Variants in VPS51 observed in about 807,000 individuals in gnomAD.
VPS51 encodes the protein vacuolar protein sorting-associated protein 51 homolog.
VPS51 carries 55 observed loss-of-function variants against 65.1 expected under a neutral mutation model. That is an observed-to-expected ratio of 0.84 (90% CI 0.68 to 1.06). The LOEUF (loss-of-function observed/expected upper bound fraction) is 1.06. VPS51 is among the 50% of genes least tolerant of loss of function. VPS51 has a pLI of 0.00. For missense variants in VPS51, 943 were observed against 1,101.6 expected (o/e 0.86, Z 2.04); for synonymous variants, 473 against 489.5 (o/e 0.97, Z 0.44).
In VPS51 at chr11:65,107,470, C is replaced by A; in HGVS notation, c.359-111C>A. 1 of 1,363,248 alleles carries A rather than the reference C, an allele frequency of 7.3e-7. No individual in the cohort carries two copies. The highest frequency in any genetic ancestry group is 1.4e-5 in the South Asian group (1 of 70,718). 84.4% of individuals were successfully genotyped at this position (1,363,248 alleles called of 1,614,324 possible). A position where few individuals can be genotyped will look rare whatever the true frequency, so the allele number is the denominator to read the frequency against. On this transcript the variant is annotated intron_variant, in intron 2 of 9. Coordinates refer to ENST00000279281, the MANE Select transcript of VPS51 (RefSeq NM_013265.4). The surrounding 1 kb of genome is among the most constrained non-coding windows in gnomAD (Gnocchi z 4.0). ...AGTCCTTTCTCTGGAATCATCCATG[C>A]GCCCCTGGAGCAAGCTGGGGCGTCT...
At position 65,109,769 on chromosome 11, in the gene VPS51, T is replaced by C; in HGVS notation, c.1724T>C (p.Leu575Pro). Residue 575 changes from leucine to proline, a missense_variant, in exon 7 of 10, where the codon CTG becomes CCG. Around this residue, in one of 2 missense-constraint regions of VPS51, gnomAD observed 855 missense variants for 953.7 expected, o/e 0.90. Transcript: ENST00000279281. ...CAEARETARR[L>P]LTHYVKVQGL... ...GAGGCCAGGGAAACGGCGCGGCGGC[T>C]GCTGACCCACTACGTGAAGGTGCAG... 6.2e-7 allele frequency: 1 copy of C among 1,602,314 alleles called. No homozygotes were observed. Among genetic ancestry groups the C allele is most frequent in the Admixed American group, 1.7e-5 (1 of 57,946 alleles).
chr11:65,097,163 C>T, intron 2 of VPS51, 36 bp downstream of exon 2: 1 of 1,612,630 alleles, frequency 6.2e-7, no homozygotes, highest in East Asian at 2.2e-5. Flanking sequence ...CAAAGTCTCA[C>T]AGCCCCCATT....
At chr11:65,097,166 C>T (rs757290359) in intron 2 of VPS51, 39 bp downstream of exon 2, 26 of 1,611,780 alleles carry the variant, frequency 1.6e-5, no homozygotes, top group Middle Eastern at 1.6e-4. Flanking sequence ...AGTCTCACAG[C>T]CCCCATTCTC....
Position 65,107,480 on chromosome 11 carries a change from G to A in VPS51, c.359-101G>A. On this transcript the variant is annotated intron_variant, in intron 2 of 9. Coordinates refer to ENST00000279281, the MANE Select transcript of VPS51 (RefSeq NM_013265.4). The surrounding 1 kb of genome is among the most constrained non-coding windows in gnomAD (Gnocchi z 4.0). ...CTGGAATCATCCATGCGCCCCTGGA[G>A]CAAGCTGGGGCGTCTGTGAAGGGGT... The A allele has an allele frequency of 2.1e-6, 3 of 1,442,592 alleles. No homozygotes were observed. The highest frequency in any genetic ancestry group is 4.6e-5 in the East Asian group (2 of 43,218). 89.4% of individuals were successfully genotyped at this position (1,442,592 alleles called of 1,614,324 possible).
At chr11:65,100,158 A>G (rs995124121) in intron 2 of VPS51, among the ~76,000 whole-genome samples, 2 of 152,190 alleles carry the variant, frequency 1.3e-5, no homozygotes, top group Non-Finnish European at 2.9e-5. Context: ...AATGGGAGAA[A>G]ATATTTGCAA....
In VPS51 at chr11:65,096,382, G is replaced by T; in HGVS notation, c.132G>T (p.Ser44=). 1 of 1,533,336 alleles carries T rather than the reference G, an allele frequency of 6.5e-7. No individual in the cohort carries two copies. The highest frequency in any genetic ancestry group is 8.7e-7 in the Non-Finnish European group (1 of 1,148,744). The allele number at this position is 1,533,336 out of a possible 1,614,324, so 95.0% of individuals were successfully genotyped here. A position where few individuals can be genotyped will look rare whatever the true frequency, so the allele number is the denominator to read the frequency against. The change falls in exon 1 of 10, where the codon TCG becomes TCT. Residue 44 remains serine, a synonymous_variant. Coordinates refer to ENST00000279281, the MANE Select transcript of VPS51 (RefSeq NM_013265.4). ...TGCTGAAGCTTTACTACGGCCTCTC[G>T]GAAGGGGAGGCGGCGGGACGCCCCG... ...HGMLKLYYGL[S]EGEAAGRPAG... is the part of the protein sequence containing the mutation.
rs1947867819 is a variant in VPS51 at position 65,109,031 on chromosome 11, T to TA, written c.1443+118dup. 6.2e-6 allele frequency: 8 copies of TA among 1,292,860 alleles called. No homozygotes were observed. In the South Asian group the frequency reaches 8.7e-5, roughly 14 times the overall value. The allele number at this position is 1,292,860 out of a possible 1,614,324, so 80.1% of individuals were successfully genotyped here. On this transcript the variant is annotated intron_variant, in intron 5 of 9. Coordinates refer to ENST00000279281, the MANE Select transcript of VPS51 (RefSeq NM_013265.4). ...CACTCTGGGTGTGGTTTCAGGTTCT[T>TA]ATGCACGGTCTGGGGGGTGGGGAAG...
chr11:65,100,068 A>G (rs1341296260), intron 2 of VPS51, among the ~76,000 whole-genome samples: 1 of 152,182 alleles, frequency 6.6e-6, no homozygotes, highest in Non-Finnish European at 1.5e-5. Context: ...GCGCCACTGC[A>G]CTCCAGCCTG....
chr11:65,108,106 TC>T, intron 4 of VPS51, 84 bp downstream of exon 4: 2 of 1,521,066 alleles, frequency 1.3e-6, no homozygotes, highest in Non-Finnish European at 1.8e-6. Flanking sequence ...CCTGGAGCTG[TC>T]CCCCTGCCCT....
chr11:65,096,572 T>A, intron 1 of VPS51, 94 bp downstream of exon 1: 1 of 1,160,910 alleles, frequency 8.6e-7, no homozygotes, highest in Non-Finnish European at 1.2e-6. Flanking sequence ...TCCGACTTTT[T>A]GTGAGGTTCA....
rs777808525 is a variant in VPS51 at position 65,108,525 on chromosome 11, G to A, written c.1054G>A (p.Val352Met). 3 of 1,591,640 alleles carry A rather than the reference G, an allele frequency of 1.9e-6. No homozygotes were observed. Among genetic ancestry groups the A allele is most frequent in the Non-Finnish European group, 2.6e-6 (3 of 1,174,894 alleles). ...GCTGGGCAGCCGCTATTTTGCGCTG[G>A]TGGAGCGGCGGCTGGCGCAGGAGCA... Reference protein sequence around the residue: ...RQLGSRYFALVERRLAQEQGG... With the variant: ...RQLGSRYFALMERRLAQEQGG... The change falls in exon 5 of 10, where the codon GTG (valine) becomes ATG (methionine). Residue 352 changes from valine (V) to methionine (M), a missense_variant. Val to Met is a conservative substitution (Grantham distance 21). This residue lies in a region of VPS51 where 855 missense variants were observed against 953.7 expected (regional missense o/e 0.90). Transcript: ENST00000279281.
rs773744856 is a variant in VPS51 at position 65,107,363 on chromosome 11, C to G, written c.359-218C>G. ...CCTGGGCACCAGGGTTAGGGGGTTA[C>G]GGGGAGTATGTGAGTAACGCCTGCT... On this transcript the variant is annotated intron_variant, in intron 2 of 9. Transcript: ENST00000279281. This position sits in a 1 kb window ranked among gnomAD's most constrained non-coding sequence, Gnocchi z 4.0. 3.1e-5 allele frequency: 20 copies of G among 643,892 alleles called. No individual in the cohort carries two copies. The Middle Eastern group carries it at 1.2e-3, about 40-fold the overall frequency. The allele number at this position is 643,892 out of a possible 1,614,324, so 39.9% of individuals were successfully genotyped here. A position where few individuals can be genotyped will look rare whatever the true frequency, so the allele number is the denominator to read the frequency against.
intron 2 of VPS51, among the ~76,000 whole-genome samples, chr11:65,102,336 GAT>G (rs2137183733): frequency 6.6e-6 from 1 of 152,282 alleles, no homozygotes; most frequent in Non-Finnish European, 1.5e-5. Context: ...GAAATGCAAA[GAT>G]AAACAGTGTA....
chr11:65,111,317 C>T lies in VPS51; in HGVS notation c.2089-10C>T. On this transcript the variant is annotated splice_polypyrimidine_tract_variant and intron_variant, in intron 9 of 9. Transcript: ENST00000279281. ...GTCCCCAAGCTGCATCCCTGTGTCC[C>T]TGCCTGCAGGTGTCGGTGCTGACCG... 3.7e-6 allele frequency: 6 copies of T among 1,601,328 alleles called. No homozygotes were observed. Among genetic ancestry groups the T allele is most frequent in the Non-Finnish European group, 5.1e-6 (6 of 1,179,706 alleles).
chr11:65,106,013 A>G (rs1947839402), intron 2 of VPS51, among the ~76,000 whole-genome samples: 1 of 152,216 alleles, frequency 6.6e-6, no homozygotes, highest in African/African-American at 2.4e-5. Flanking sequence ...CCTGGGTGAC[A>G]GAGTGAGACT....
intron 2 of VPS51, among the ~76,000 whole-genome samples, chr11:65,101,742 G>A (rs1427047616): frequency 9.1e-6 from 1 of 109,880 alleles, no homozygotes; most frequent in Non-Finnish European, 1.7e-5. Flanking sequence ...CAGCCTGGGT[G>A]ACAGAGCCAG....
chr11:65,111,676 A>G lies in VPS51; in HGVS notation c.*89A>G. 4 of 1,468,032 alleles carry G rather than the reference A, an allele frequency of 2.7e-6. No individual in the cohort carries two copies. The highest frequency in any genetic ancestry group is 3.6e-6 in the Non-Finnish European group (4 of 1,110,566). 90.9% of individuals were successfully genotyped at this position (1,468,032 alleles called of 1,614,324 possible). On this transcript the variant is annotated 3_prime_UTR_variant, in exon 10 of 10. Coordinates refer to ENST00000279281, the MANE Select transcript of VPS51 (RefSeq NM_013265.4). The stretch of plus-strand genomic sequence containing the variant: ...TGGTCCTTCCCCGCAGGCAGGTGTC[A>G]GGACCGGCCTAATAAACATGTGTGG...
Position 65,107,807 on chromosome 11 carries a change from C to A in VPS51, c.510C>A (p.Val170=), listed in dbSNP as rs1253701948. Residue 170 remains valine, a synonymous_variant, in exon 4 of 10, where the codon GTC becomes GTA. Transcript: ENST00000279281. This position sits in a 1 kb window ranked among gnomAD's most constrained non-coding sequence, Gnocchi z 4.0. ...ACGTCACCCTCCGTCCCCCAGGGGT[C>A]CACGCGCTGCTGCGGAAGCTGCAGT... The part of the protein sequence containing the change: ...RHERITKLAG[V]HALLRKLQFL... The A allele has an allele frequency of 4.4e-6, 7 of 1,577,384 alleles. No homozygotes were observed. The highest frequency in any genetic ancestry group is 2.3e-5 in the South Asian group (2 of 87,564).
intron 2 of VPS51, among the ~76,000 whole-genome samples, chr11:65,103,989 C>T (rs1308464787): frequency 6.6e-6 from 1 of 151,478 alleles, no homozygotes; most frequent in African/African-American, 2.4e-5. Context: ...AGTGCAGTGG[C>T]ACAATCTCAG....
Sources: allele counts gnomAD v4.1 joint callset (sites outside exome capture counted in the v4.1 genomes callset), GRCh38; gene constraint gnomAD v4.1.1; regional missense constraint gnomAD v4.1.1; non-coding constraint Gnocchi (gnomAD v3.1); transcripts MANE v1.5; gene names NCBI Gene and HGNC (gene_info 2026-07-23, HGNC 2026-07-21).